The following ZNF789 variants were observed in gnomAD, a reference collection of about 807,000 sequenced individuals.
ZNF789 encodes the protein zinc finger protein 789.
ZNF789 carries 11 observed loss-of-function variants against 15.6 expected under a neutral mutation model. The ratio of observed to expected loss-of-function variants is 0.70; its 90% CI spans 0.44 to 1.16. ZNF789 has a LOEUF of 1.16. Among genes scored for constraint, ZNF789 ranks in the 50% most tolerant of loss-of-function variants. ZNF789 has a pLI of 0.00. For synonymous variants in ZNF789, 159 were observed against 176.0 expected, an observed-to-expected ratio of 0.90 and a Z score of 0.76; for missense variants, 461 against 512.6, an observed-to-expected ratio of 0.90 and a Z score of 0.97.
At chr7:99,480,053 C>T (rs753482929) in intron 3 of ZNF789, 53 of 430,090 alleles carry the variant, frequency 1.2e-4, no homozygotes, top group Non-Finnish European at 1.9e-4. Context: ...AGGCCAGGTG[C>T]GGTGGCTCAC....
intron 4 of ZNF789, chr7:99,485,503 AT>A (rs1290664078): frequency 1.0e-5 from 5 of 484,926 alleles, no homozygotes; most frequent in Non-Finnish European, 1.5e-5. Context: ...TACTTTGTCC[AT>A]TTTTAAGCAG....
At chr7:99,479,521 GC>G in intron 2 of ZNF789, 139 bp from the exon 3 acceptor site, 1 of 1,034,246 alleles carries the variant, frequency 9.7e-7, no homozygotes, top group Non-Finnish European at 1.3e-6. Flanking sequence ...CCTGAAAGGA[GC>G]CCTGAATATA....
chr7:99,476,551 C>G, intron 2 of ZNF789, 71 bp downstream of exon 2: 2 of 1,582,236 alleles, frequency 1.3e-6, no homozygotes, highest in Non-Finnish European at 8.6e-7. Flanking sequence ...TCAGACTGAG[C>G]CCTCTTGATC....
At chr7:99,485,305 C>T (rs79878591) in intron 4 of ZNF789, 48,133 of 1,258,848 alleles carry the variant, frequency 0.038, 1,117 homozygotes, top group Admixed American at 0.062. Context: ...ATGTCCTGTG[C>T]ATTTTAGGAT....
In ZNF789 at chr7:99,473,022, G is replaced by C. The variant is rs922282361; in HGVS notation, c.-89G>C. On this transcript the variant is annotated 5_prime_UTR_variant, in exon 1 of 5. Coordinates refer to ENST00000331410, the MANE Select transcript of ZNF789 (RefSeq NM_213603.3). ...CGAGAGGAGAGCCCAGCCCCTGGTG[G>C]AGGCGGCTTGGCGGAGATTCGGAGC... 5 of 152,462 alleles carry C rather than the reference G, an allele frequency of 3.3e-5. No individual in the cohort carries two copies. Among genetic ancestry groups the C allele is most frequent in the African/African-American group, 1.2e-4 (5 of 41,458 alleles). 9.4% of individuals were successfully genotyped at this position (152,462 alleles called of 1,614,324 possible).
intron 2 of ZNF789, chr7:99,478,502 A>T: frequency 1.8e-6 from 1 of 570,196 alleles, no homozygotes; most frequent in South Asian, 1.5e-5. Context: ...GGGGGTGGGC[A>T]TTTCCTGTTA....
chr7:99,483,956 G>C (rs568391701), intron 3 of ZNF789, 74 bp from the exon 4 acceptor site: 8 of 1,153,184 alleles, frequency 6.9e-6, no homozygotes, highest in Non-Finnish European at 1.1e-5. Flanking sequence ...CCTTATCTCT[G>C]CTTGCCACTG....
At chr7:99,486,420 C>A (rs1037020488) in intron 4 of ZNF789, 56 bp from the exon 5 acceptor site, 2 of 1,503,790 alleles carry the variant, frequency 1.3e-6, no homozygotes, top group Non-Finnish European at 1.8e-6. Flanking sequence ...CCTTCTCTTC[C>A]TTTTTTTCTT....
At chr7:99,482,428 C>T (rs1799689214) in intron 3 of ZNF789, 4 of 584,182 alleles carry the variant, frequency 6.8e-6, no homozygotes, top group Admixed American at 3.0e-5. Flanking sequence ...AGGTGTGGAA[C>T]TCTCCACTTT....
In ZNF789 at chr7:99,487,363, T is replaced by C. The variant is rs747023358; in HGVS notation, c.1153T>C (p.Phe385Leu). ...AACGTTTAGTTTTAAGAGGAATCTT[T>C]TTCGACATCAGGTCATTCACACTGG... ...GKTFSFKRNL[F>L]RHQVIHTGSQ... Residue 385 changes from phenylalanine (F) to leucine (L), a missense_variant, in exon 5 of 5, where the codon TTT becomes CTT. Coordinates refer to ENST00000331410, the MANE Select transcript of ZNF789 (RefSeq NM_213603.3). 1.2e-6 allele frequency: 2 copies of C among 1,614,242 alleles called. No individual in the cohort carries two copies. Among genetic ancestry groups the C allele is most frequent in the South Asian group, 2.2e-5 (2 of 91,082 alleles).
chr7:99,475,823 T>TC (rs1554374001), intron 1 of ZNF789, among the ~76,000 whole-genome samples: 1 of 149,982 alleles, frequency 6.7e-6, no homozygotes, highest in Non-Finnish European at 1.5e-5. Flanking sequence ...TTTTTTTTTT[T>TC]GAGATGGAGT....
intron 2 of ZNF789, chr7:99,478,235 T>G (rs1264381792): frequency 5.5e-6 from 7 of 1,269,758 alleles, no homozygotes; most frequent in Non-Finnish European, 7.2e-6. Context: ...CTCTGGGAGA[T>G]GAAGCCATTT....
intron 3 of ZNF789, chr7:99,480,855 A>AC (rs1290652678): frequency 6.6e-6 from 1 of 152,034 alleles, no homozygotes; most frequent in Non-Finnish European, 1.5e-5. Context: ...CACATGTTTA[A>AC]CCCTTGCACT....
At chr7:99,475,623 T>G (rs1433196923) in intron 1 of ZNF789, among the ~76,000 whole-genome samples, 1 of 151,998 alleles carries the variant, frequency 6.6e-6, no homozygotes, top group Non-Finnish European at 1.5e-5. Flanking sequence ...ACATCCTGTG[T>G]GATAGGGGAG....
chr7:99,473,870 C>T (rs145122920), intron 1 of ZNF789, among the ~76,000 whole-genome samples: 7 of 152,156 alleles, frequency 4.6e-5, no homozygotes, highest in East Asian at 1.9e-4. Flanking sequence ...CCGCCCGCCT[C>T]GGCCTCCCAA....
chr7:99,485,692 C>T (rs58222677), intron 4 of ZNF789, among the ~76,000 whole-genome samples: 10,548 of 151,920 alleles, frequency 0.069, 735 homozygotes, highest in East Asian at 0.3. Context: ...ACTAGCCGGG[C>T]GTGGTGGTGT....
At chr7:99,484,236 G>A (rs1279061080) in intron 4 of ZNF789, 93 bp downstream of exon 4, 5 of 954,818 alleles carry the variant, frequency 5.2e-6, no homozygotes, top group Non-Finnish European at 8.2e-6. Flanking sequence ...CGCTGAGCCA[G>A]GTGCTGGGCA....
chr7:99,487,030 G>A lies in ZNF789; in HGVS notation c.820G>A (p.Glu274Lys). The part of the protein sequence containing the change: ...KCFRQLAYLV[E>K]HKRIHTKEKP... The stretch of plus-strand genomic sequence containing the variant: ...TTTTCGGCAGCTCGCGTATCTTGTT[G>A]AACATAAGAGGATTCACACCAAAGA... Residue 274 changes from glutamate to lysine, a missense_variant, in exon 5 of 5, where the codon GAA becomes AAA. Physicochemically the swap from Glu to Lys is moderately conservative, Grantham distance 56. Coordinates refer to ENST00000331410, the MANE Select transcript of ZNF789 (RefSeq NM_213603.3). 1 of 1,614,010 alleles carries A rather than the reference G, an allele frequency of 6.2e-7. No individual in the cohort carries two copies. The highest frequency in any genetic ancestry group is 8.5e-7 in the Non-Finnish European group (1 of 1,180,028).
At chr7:99,485,338 C>T in intron 4 of ZNF789, 1 of 918,256 alleles carries the variant, frequency 1.1e-6, no homozygotes, top group Non-Finnish European at 1.7e-6. Context: ...CCCTGGCCTG[C>T]ATCCACTAGA....
Sources: gnomAD v4.1 joint callset for allele counts (sites outside exome capture counted in the v4.1 genomes callset) on GRCh38, gnomAD v4.1.1 for gene constraint, MANE v1.5 for transcripts, NCBI Gene and HGNC (gene_info 2026-07-23, HGNC 2026-07-21) for gene names.